Variants in TMTC1 observed in about 807,000 individuals in gnomAD.
The protein encoded by TMTC1 is protein O-mannosyl-transferase TMTC1.
Under a neutral mutation model 104.8 loss-of-function variants are expected in TMTC1, and 73 were observed. That is an observed-to-expected ratio of 0.70 (90% confidence interval 0.58 to 0.85). The LOEUF is 0.85. Ranked by LOEUF, TMTC1 falls within the 40% of genes least tolerant of loss-of-function variation. The pLI is 0.00. For synonymous variants in TMTC1, 434 were observed against 428.7 expected, an observed-to-expected ratio of 1.01 and a Z score of -0.15; for missense variants, 1,035 against 1,096.1, an observed-to-expected ratio of 0.94 and a Z score of 0.79.
chr12:29,664,227 A>T (rs562622233), intron 5 of TMTC1, among the ~76,000 whole-genome samples: 159 of 151,316 alleles, frequency 1.1e-3, no homozygotes, highest in Non-Finnish European at 1.3e-3. Context: ...AAAAAATAAA[A>T]AAAATAAAAT....
In TMTC1 at chr12:29,603,492, T is replaced by C. The variant is rs903380043; in HGVS notation, c.1250+686A>G. Reference sequence around the variant, plus strand: ...AAATCTGGGGGCAAAAAAAGCTTTGTGTCTTGTTCAAGGTCAGTCAACCAA... The same window carrying C: ...AAATCTGGGGGCAAAAAAAGCTTTGCGTCTTGTTCAAGGTCAGTCAACCAA... On this transcript the variant is annotated intron_variant, in intron 7 of 17. Transcript: ENST00000539277. 3.9e-5 allele frequency among the ~76,000 whole-genome samples: 6 copies of C among 152,268 alleles called. 1 individual carries two copies. In the South Asian group the frequency reaches 1.2e-3, roughly 32 times the overall value.
chr12:29,651,012 G>A (rs992586155), intron 5 of TMTC1, among the ~76,000 whole-genome samples: 4 of 152,216 alleles, frequency 2.6e-5, no homozygotes, highest in Admixed American at 2.6e-4. Flanking sequence ...TTCATCCAGT[G>A]TGTTTGATTT....
chr12:29,575,887 C>T (rs144950381), intron 8 of TMTC1, among the ~76,000 whole-genome samples: 44 of 152,314 alleles, frequency 2.9e-4, no homozygotes, highest in African/African-American at 9.9e-4. Flanking sequence ...TCCCTTTTCT[C>T]CACATCCACT....
intron 5 of TMTC1, among the ~76,000 whole-genome samples, chr12:29,697,731 C>T (rs7297371): frequency 0.017 from 2,534 of 152,196 alleles, 79 homozygotes; most frequent in African/African-American, 0.057. Context: ...CAGGTGAAGT[C>T]CAAAGACAGC....
At chr12:29,617,947 T>C (rs1176171487) in intron 6 of TMTC1, among the ~76,000 whole-genome samples, 4 of 152,106 alleles carry the variant, frequency 2.6e-5, no homozygotes, top group Non-Finnish European at 5.9e-5. Flanking sequence ...CATTTTAAAG[T>C]AATCACCCTG....
chr12:29,742,046 T>C (rs145278130), intron 5 of TMTC1, among the ~76,000 whole-genome samples: 1 of 152,100 alleles, frequency 6.6e-6, no homozygotes, highest in East Asian at 1.9e-4. Context: ...ACTCCTTTCA[T>C]AGTCACAAGG....
At chr12:29,777,706 A>C (rs1943744144) in intron 1 of TMTC1, among the ~76,000 whole-genome samples, 1 of 152,148 alleles carries the variant, frequency 6.6e-6, no homozygotes, top group East Asian at 1.9e-4. Context: ...TTTCAAAGGC[A>C]GTTTTTCATT....
At chr12:29,629,274 T>C (rs117651169) in intron 6 of TMTC1, among the ~76,000 whole-genome samples, 5,654 of 151,142 alleles carry the variant, frequency 0.037, 165 homozygotes, top group Non-Finnish European at 0.057. Flanking sequence ...TTAGTGGAGA[T>C]GCGCCAATGC....
intron 11 of TMTC1, among the ~76,000 whole-genome samples, chr12:29,526,154 C>A (rs995913167): frequency 6.6e-6 from 1 of 152,122 alleles, no homozygotes; most frequent in Non-Finnish European, 1.5e-5. Flanking sequence ...ACCATTTTAG[C>A]AATTTAGAAT....
intron 5 of TMTC1, among the ~76,000 whole-genome samples, chr12:29,701,378 A>C (rs1268831769): frequency 6.6e-6 from 1 of 152,152 alleles, no homozygotes; most frequent in African/African-American, 2.4e-5. Context: ...AAGGCTGGGA[A>C]ACTAAGGCAG....
At chr12:29,601,264 C>A (rs1946558036) in intron 7 of TMTC1, among the ~76,000 whole-genome samples, 1 of 152,200 alleles carries the variant, frequency 6.6e-6, no homozygotes, top group Admixed American at 6.5e-5. Flanking sequence ...CAATAAGATA[C>A]CCCACAAAGG....
chr12:29,695,069 A>T (rs779441473), intron 5 of TMTC1, among the ~76,000 whole-genome samples: 2 of 152,280 alleles, frequency 1.3e-5, no homozygotes, highest in Middle Eastern at 3.4e-3. Flanking sequence ...CTCTTTGCAC[A>T]GCTCCTGGTG....
At chr12:29,608,992 G>A (rs1333402017) in intron 6 of TMTC1, among the ~76,000 whole-genome samples, 2 of 152,160 alleles carry the variant, frequency 1.3e-5, no homozygotes, top group African/African-American at 4.8e-5. Context: ...GGCCAGCAGT[G>A]TGTGGGTGTT....
In TMTC1 at chr12:29,556,928, C is replaced by T. The variant is rs769221124; in HGVS notation, c.1605G>A (p.Met535Ile). ...TLTRDTAEAK[M>I]YYQRALQLHP... is the part of the protein sequence containing the mutation. The stretch of plus-strand genomic sequence containing the variant: ...GGAGCTGGAGAGCCCTCTGATAGTA[C>T]ATCTTTGCCTCTGCTGTGTCTCTCG... The change falls in exon 10 of 18, where the codon ATG becomes ATA. Residue 535 changes from methionine (M) to isoleucine (I), a missense_variant. By Grantham distance (10) the Met-to-Ile change is conservative. Transcript: ENST00000539277. The T allele has an allele frequency of 1.3e-5, 21 of 1,614,012 alleles. No individual in the cohort carries two copies. The highest frequency in any genetic ancestry group is 3.3e-5 in the South Asian group (3 of 91,086).
chr12:29,577,024 T>C (rs986019684), intron 8 of TMTC1, among the ~76,000 whole-genome samples: 5 of 152,188 alleles, frequency 3.3e-5, no homozygotes, highest in Non-Finnish European at 5.9e-5. Flanking sequence ...ATAAATGGTG[T>C]TGATGAAATT....
intron 5 of TMTC1, among the ~76,000 whole-genome samples, chr12:29,643,798 C>CATATTTATATATTTATAT (rs1235190470): frequency 0.02 from 670 of 33,360 alleles, 83 homozygotes; most frequent in Admixed American, 0.033. Flanking sequence ...TATTTATATA[C>CATATTTATATATTTATAT]ATATTTATAT....
At chr12:29,667,582 G>A (rs1352879849) in intron 5 of TMTC1, among the ~76,000 whole-genome samples, 1 of 152,126 alleles carries the variant, frequency 6.6e-6, no homozygotes, top group Non-Finnish European at 1.5e-5. Flanking sequence ...GTTTTATAAT[G>A]AGGGAAAAAA....
chr12:29,610,154 A>C (rs1946806903), intron 6 of TMTC1, among the ~76,000 whole-genome samples: 1 of 152,164 alleles, frequency 6.6e-6, no homozygotes, highest in Non-Finnish European at 1.5e-5. Flanking sequence ...TGATGGATTG[A>C]CCAGCGAGTG....
At chr12:29,537,734 T>A (rs116951704) in intron 10 of TMTC1, among the ~76,000 whole-genome samples, 1 of 152,156 alleles carries the variant, frequency 6.6e-6, no homozygotes, top group South Asian at 2.1e-4. Context: ...CCGTAGCTCC[T>A]GATACAATCC....
Sources: gnomAD v4.1 joint callset for allele counts (sites outside exome capture counted in the v4.1 genomes callset) on GRCh38, gnomAD v4.1.1 for gene constraint, MANE v1.5 for transcripts, NCBI Gene and HGNC (gene_info 2026-07-23, HGNC 2026-07-21) for gene names.